Variants in ACYP2 observed in about 807,000 individuals in gnomAD.
ACYP2 encodes acylphosphatase 2, also known as acylphosphatase-2.
A neutral mutation model predicts 11.2 loss-of-function variants in ACYP2; 12 were observed. The ratio of observed to expected loss-of-function variants is 1.08; its 90% confidence interval spans 0.69 to 1.74. The LOEUF (loss-of-function observed/expected upper bound fraction) is 1.74. Ranked by LOEUF, ACYP2 falls within the 40% of genes most tolerant of loss-of-function variation. The pLI is 0.00. For missense variants in ACYP2, 134 were observed against 101.9 expected, an observed-to-expected ratio of 1.31 and a Z score of -1.35; for synonymous variants, 43 against 32.2, an observed-to-expected ratio of 1.33 and a Z score of -1.13.
intron 6 of ACYP2, among the ~76,000 whole-genome samples, chr2:54,195,795 T>G (rs2695647): frequency 1.2e-4 from 7 of 60,400 alleles, no homozygotes; most frequent in Admixed American, 4.4e-4. Flanking sequence ...TTGTTGTGGG[T>G]TTTTTTTTTT....
chr2:54,286,952 G>T (rs1689102832), intron 6 of ACYP2, among the ~76,000 whole-genome samples: 1 of 151,990 alleles, frequency 6.6e-6, no homozygotes, highest in African/African-American at 2.4e-5. Flanking sequence ...GAATGACTTA[G>T]TAAAGAGTAT....
intron 6 of ACYP2, among the ~76,000 whole-genome samples, chr2:54,206,254 T>G (rs1427318873): frequency 6.6e-6 from 1 of 152,238 alleles, no homozygotes; most frequent in East Asian, 1.9e-4. Context: ...GTAATTTATT[T>G]GTTTGCAAAT....
chr2:54,217,570 A>T (rs1381023923), intron 6 of ACYP2, among the ~76,000 whole-genome samples: 1 of 151,534 alleles, frequency 6.6e-6, no homozygotes, highest in African/African-American at 2.4e-5. Flanking sequence ...ATGGGGTTTC[A>T]CCGTGTTGCC....
intron 4 of ACYP2, among the ~76,000 whole-genome samples, chr2:54,124,438 C>T (rs1680352558): frequency 6.6e-6 from 1 of 152,062 alleles, no homozygotes; most frequent in African/African-American, 2.4e-5. Flanking sequence ...TCAGGTGATC[C>T]ACCCTCCTCG....
At chr2:54,254,849 T>G in intron 6 of ACYP2, 1 of 1,474,350 alleles carries the variant, frequency 6.8e-7, no homozygotes, top group South Asian at 1.3e-5. Context: ...TACCTAATGC[T>G]GTTGCCCAAG....
At position 54,115,763 on chromosome 2, in the gene ACYP2, G is replaced by A. The variant is rs202225591; in HGVS notation, c.278-19690G>A. 22 of 1,601,870 alleles carry A rather than the reference G, an allele frequency of 1.4e-5. 1 individual carries two copies. Among genetic ancestry groups the A allele is most frequent in the South Asian group, 1.2e-4 (11 of 89,930 alleles). ...GTGTTCGGAAGAGTGCAGGGTAGGA[G>A]GCCCCTCTACGGTGGGAGATCAAAA... On this transcript the variant is annotated intron_variant, in intron 4 of 6. Transcript: ENST00000607452.
intron 6 of ACYP2, among the ~76,000 whole-genome samples, chr2:54,271,883 G>T (rs1399343674): frequency 2.0e-5 from 3 of 151,956 alleles, no homozygotes; most frequent in Non-Finnish European, 4.4e-5. Flanking sequence ...AAATTTCTTA[G>T]GATTTTTAGA....
intron 6 of ACYP2, among the ~76,000 whole-genome samples, chr2:54,207,956 T>C (rs1572937014): frequency 6.6e-6 from 1 of 152,296 alleles, no homozygotes; most frequent in East Asian, 1.9e-4. Flanking sequence ...CAACTTCTCA[T>C]CCTGTGCAAT....
chr2:54,130,506 A>T (rs931007115), intron 4 of ACYP2, among the ~76,000 whole-genome samples: 1 of 152,180 alleles, frequency 6.6e-6, no homozygotes, highest in African/African-American at 2.4e-5. Context: ...TTAGTTAAGA[A>T]AAGGAAACCA....
At chr2:54,090,932 T>C (rs988923953) in intron 4 of ACYP2, among the ~76,000 whole-genome samples, 4 of 152,192 alleles carry the variant, frequency 2.6e-5, no homozygotes, top group African/African-American at 9.7e-5. Flanking sequence ...TGTTGGTGCT[T>C]TGAGGGTAGG....
intron 4 of ACYP2, among the ~76,000 whole-genome samples, chr2:54,106,142 T>G (rs1679144439): frequency 6.6e-6 from 1 of 152,220 alleles, no homozygotes; most frequent in Non-Finnish European, 1.5e-5. Context: ...AAATCACATA[T>G]AGTCAATCAG....
At chr2:54,277,077 T>C (rs1688629923) in intron 6 of ACYP2, among the ~76,000 whole-genome samples, 1 of 152,204 alleles carries the variant, frequency 6.6e-6, no homozygotes, top group South Asian at 2.1e-4. Flanking sequence ...TTACGTACAA[T>C]GCTGTAATGA....
chr2:54,043,661 G>A (rs920164974), intron 2 of ACYP2, among the ~76,000 whole-genome samples: 22 of 152,134 alleles, frequency 1.4e-4, no homozygotes, highest in African/African-American at 2.4e-4. Context: ...TCATGAAGGC[G>A]ATGTTTTATT....
At chr2:53,989,991 T>C (rs1212646341) in intron 2 of ACYP2, among the ~76,000 whole-genome samples, 1 of 151,410 alleles carries the variant, frequency 6.6e-6, no homozygotes, top group Non-Finnish European at 1.5e-5. Context: ...CTTTTTTTTT[T>C]TTTTTTGAGA....
intron 4 of ACYP2, among the ~76,000 whole-genome samples, chr2:54,096,551 C>G (rs997909141): frequency 6.6e-6 from 1 of 152,168 alleles, no homozygotes; most frequent in Non-Finnish European, 1.5e-5. Context: ...CCACTGAGCA[C>G]TGAGTGAACC....
At chr2:54,066,264 G>A (rs998525146) in intron 4 of ACYP2, among the ~76,000 whole-genome samples, 1 of 152,118 alleles carries the variant, frequency 6.6e-6, no homozygotes, top group Admixed American at 6.6e-5. Context: ...AGAAGTGCGT[G>A]GTGGATCCTC....
At chr2:54,020,216 C>T (rs1049430851) in intron 2 of ACYP2, among the ~76,000 whole-genome samples, 5 of 152,172 alleles carry the variant, frequency 3.3e-5, no homozygotes, top group East Asian at 1.9e-4. Context: ...CGATTACAGG[C>T]GTGAGCCACC....
chr2:54,090,934 GAGGGT>G (rs1678191370), intron 4 of ACYP2, among the ~76,000 whole-genome samples: 1 of 152,170 alleles, frequency 6.6e-6, no homozygotes, highest in Non-Finnish European at 1.5e-5. Flanking sequence ...TTGGTGCTTT[GAGGGT>G]AGGAATTCTA....
At chr2:54,080,360 C>T (rs183681079) in intron 4 of ACYP2, 113 of 152,182 alleles carry the variant, frequency 7.4e-4, no homozygotes, top group African/African-American at 2.2e-3. Flanking sequence ...TTTTCTCCTG[C>T]TTTTTGGGAT....
Sources: allele counts gnomAD v4.1 joint callset (sites outside exome capture counted in the v4.1 genomes callset), GRCh38; gene constraint gnomAD v4.1.1; transcripts MANE v1.5; gene names NCBI Gene and HGNC (gene_info 2026-07-23, HGNC 2026-07-21).